The following AKAP12 variants were observed in gnomAD, a reference collection of about 807,000 sequenced individuals.
AKAP12 encodes the protein A-kinase anchor protein 12.
In AKAP12, 32 loss-of-function variants were observed where a neutral mutation model predicts 79.9. That is an observed-to-expected ratio of 0.40 (90% confidence interval 0.30 to 0.54). The LOEUF is 0.54. AKAP12 is among the 20% of genes least tolerant of loss of function. The pLI, the probability that AKAP12 is intolerant of heterozygous loss-of-function variation, is 0.48. For synonymous variants in AKAP12, 808 were observed against 857.0 expected (o/e 0.94, Z 1.00); for missense variants, 2,074 against 2,177.0 (o/e 0.95, Z 0.94).
intron 2 of AKAP12, among the ~76,000 whole-genome samples, chr6:151,276,165 A>G (rs974265358): frequency 1.3e-5 from 2 of 152,186 alleles, no homozygotes; most frequent in Non-Finnish European, 2.9e-5. Context: ...TCAGTGTAGA[A>G]CAAAAAATCT....
intron 2 of AKAP12, among the ~76,000 whole-genome samples, chr6:151,249,439 C>T (rs1797134488): frequency 6.6e-6 from 1 of 152,188 alleles, no homozygotes; most frequent in African/African-American, 2.4e-5. Flanking sequence ...CTTGGCCTCC[C>T]AAAGTGCTGG....
intron 2 of AKAP12, among the ~76,000 whole-genome samples, chr6:151,287,283 G>A (rs549949941): frequency 3.3e-5 from 5 of 151,498 alleles, no homozygotes; most frequent in Admixed American, 6.6e-5. Flanking sequence ...TTTCTGAGAC[G>A]GGGTGTTGCT....
chr6:151,305,054 T>C (rs563409643), intron 2 of AKAP12, among the ~76,000 whole-genome samples: 340 of 152,352 alleles, frequency 2.2e-3, no homozygotes, highest in Middle Eastern at 0.014. Context: ...CGGCCTCCCT[T>C]CTCTGCACCC....
intron 3 of AKAP12, among the ~76,000 whole-genome samples, chr6:151,337,763 A>C (rs894732964): frequency 6.6e-6 from 1 of 152,122 alleles, no homozygotes; most frequent in Admixed American, 6.6e-5. Context: ...TCACTGGAGA[A>C]GGCTGGGCAC....
chr6:151,336,606 G>C (rs570952932), intron 3 of AKAP12, among the ~76,000 whole-genome samples: 2 of 152,058 alleles, frequency 1.3e-5, no homozygotes, highest in African/African-American at 4.8e-5. Context: ...TTAGCCAGGC[G>C]CGGTGGCATG....
At chr6:151,342,029 ACT>A (rs1411620321) in intron 3 of AKAP12, among the ~76,000 whole-genome samples, 6 of 152,038 alleles carry the variant, frequency 3.9e-5, no homozygotes, top group Non-Finnish European at 2.9e-5. Flanking sequence ...CTCCCCGAAG[ACT>A]CTGGCTTGAA....
chr6:151,240,786 T>TGGGGGGGGGGGGGGGGGGGGGG, intron 2 of AKAP12, 62 bp downstream of exon 2: 1 of 240,966 alleles, frequency 4.1e-6, no homozygotes, highest in Non-Finnish European at 7.3e-6. Context: ...GGGGTGGGGG[T>TGGGGGGGGGGGGGGGGGGGGGG]GGGGGGGTCC....
chr6:151,348,682 C>CCCA, intron 3 of AKAP12, 29 bp from the exon 4 acceptor site: 2 of 198,916 alleles, frequency 1.0e-5, no homozygotes, highest in South Asian at 5.6e-5. Context: ...TTCTCTTCTC[C>CCCA]CCACCCCCCC....
In AKAP12 at chr6:151,305,744, T is replaced by C; in HGVS notation, c.163-3T>C. The C allele has an allele frequency of 6.2e-7, 1 of 1,606,642 alleles. No individual in the cohort carries two copies. The highest frequency in any genetic ancestry group is 1.1e-5 in the South Asian group (1 of 89,844). ...AGTTTCTATGGCTTTGTCTTTTCCATAGCTCCTACAGAAGAATGGTCAGCT... is the reference window on the plus strand; with the variant it reads ...AGTTTCTATGGCTTTGTCTTTTCCACAGCTCCTACAGAAGAATGGTCAGCT... On this transcript the variant is annotated splice_region_variant and splice_polypyrimidine_tract_variant and intron_variant, in intron 2 of 4. Transcript: ENST00000402676.
At chr6:151,353,965 C>A (rs1169811413) in intron 4 of AKAP12, among the ~76,000 whole-genome samples, 1 of 152,038 alleles carries the variant, frequency 6.6e-6, no homozygotes, top group Non-Finnish European at 1.5e-5. Context: ...ATGAAAAGAA[C>A]GACTTCGTTT....
intron 3 of AKAP12, among the ~76,000 whole-genome samples, chr6:151,332,529 A>G (rs1001105985): frequency 1.3e-5 from 2 of 152,246 alleles, no homozygotes; most frequent in African/African-American, 4.8e-5. Flanking sequence ...GAAGAAGGGT[A>G]TAGAAATATT....
chr6:151,287,028 C>T (rs1776519522), intron 2 of AKAP12, among the ~76,000 whole-genome samples: 1 of 150,804 alleles, frequency 6.6e-6, no homozygotes. Flanking sequence ...TCACCTCTGC[C>T]TCCCGGGTTC....
At chr6:151,288,264 C>T (rs1339342741) in intron 2 of AKAP12, among the ~76,000 whole-genome samples, 2 of 151,366 alleles carry the variant, frequency 1.3e-5, no homozygotes, top group Non-Finnish European at 2.9e-5. Context: ...CTGGTAATCC[C>T]AACACTTTGG....
chr6:151,341,739 C>T (rs371756734), intron 3 of AKAP12: 2 of 1,277,202 alleles, frequency 1.6e-6, no homozygotes, highest in African/African-American at 1.6e-5. Flanking sequence ...ATGGCGGACA[C>T]GGAATCCCGA....
intron 2 of AKAP12, among the ~76,000 whole-genome samples, chr6:151,284,811 C>T (rs1347897101): frequency 6.6e-6 from 1 of 152,164 alleles, no homozygotes; most frequent in African/African-American, 2.4e-5. Context: ...TCTTAGTACT[C>T]TGTCTTTGAT....
intron 3 of AKAP12, among the ~76,000 whole-genome samples, chr6:151,321,457 G>T (rs549183762): frequency 6.6e-6 from 1 of 151,876 alleles, no homozygotes; most frequent in Admixed American, 6.6e-5. Context: ...TTGGTGACTA[G>T]CTTCTTTCAC....
intron 2 of AKAP12, among the ~76,000 whole-genome samples, chr6:151,254,959 G>A (rs960510978): frequency 6.6e-6 from 1 of 152,154 alleles, no homozygotes; most frequent in African/African-American, 2.4e-5. Flanking sequence ...TTCTCAAGCA[G>A]TCCCTGTGAT....
chr6:151,329,278 G>A (rs925975889), intron 3 of AKAP12, among the ~76,000 whole-genome samples: 10 of 152,010 alleles, frequency 6.6e-5, no homozygotes, highest in Non-Finnish European at 5.9e-5. Flanking sequence ...ACCACGCCCC[G>A]CTAATGTTTG....
At chr6:151,302,925 G>A (rs1269232904) in intron 2 of AKAP12, among the ~76,000 whole-genome samples, 1 of 152,236 alleles carries the variant, frequency 6.6e-6, no homozygotes, top group Non-Finnish European at 1.5e-5. Context: ...GCTGGGCGCA[G>A]TGGCTCATGC....
Sources: allele counts gnomAD v4.1 joint callset (sites outside exome capture counted in the v4.1 genomes callset), GRCh38; gene constraint gnomAD v4.1.1; transcripts MANE v1.5; gene names NCBI Gene and HGNC (gene_info 2026-07-23, HGNC 2026-07-21).